Variants in DOK6 observed in about 807,000 individuals in gnomAD.
The protein encoded by DOK6 is downstream of tyrosine kinase 6.
DOK6 carries 22 observed loss-of-function variants against 44.0 expected under a neutral mutation model. The observed-to-expected ratio is 0.50, with a 90% CI of 0.36 to 0.71. DOK6 has a LOEUF of 0.71. Ranked by LOEUF, DOK6 falls within the 30% of genes least tolerant of loss-of-function variation. The pLI is 0.00. For missense variants in DOK6, 340 were observed against 416.4 expected (o/e 0.82, Z 1.60); for synonymous variants, 166 against 145.5 (o/e 1.14, Z -1.01).
At chr18:69,796,959 CTTA>C (rs1252538154) in intron 7 of DOK6, among the ~76,000 whole-genome samples, 1 of 152,100 alleles carries the variant, frequency 6.6e-6, no homozygotes, top group Non-Finnish European at 1.5e-5. Context: ...TTGAAAAGAG[CTTA>C]TATTTGATGA....
At chr18:69,633,914 G>T (rs1291731988) in intron 3 of DOK6, among the ~76,000 whole-genome samples, 1 of 151,986 alleles carries the variant, frequency 6.6e-6, no homozygotes, top group Non-Finnish European at 1.5e-5. Context: ...GCTCACCAAT[G>T]GTTTTAGGAT....
Position 69,477,313 on chromosome 18 carries a change from A to G in DOK6, c.66+76003A>G, listed in dbSNP as rs957431627. ...ACAGATGCTGAGACAAGTTTGTCCCATTGGAGGCTACAGTGGTAGTAGGGT... is the reference window on the plus strand; with the variant it reads ...ACAGATGCTGAGACAAGTTTGTCCCGTTGGAGGCTACAGTGGTAGTAGGGT... On this transcript the variant is annotated intron_variant, in intron 1 of 7. Coordinates refer to ENST00000382713, the MANE Select transcript of DOK6 (RefSeq NM_152721.6). Among the ~76,000 whole-genome samples the G allele has an allele frequency of 3.9e-5, 6 of 152,220 alleles. 1 individual carries two copies. The highest frequency in any genetic ancestry group is 8.8e-5 in the Non-Finnish European group (6 of 68,034).
chr18:69,595,900 C>T (rs10401068), intron 2 of DOK6, among the ~76,000 whole-genome samples: 68,704 of 151,842 alleles, frequency 0.45, 15,529 homozygotes, highest in East Asian at 0.57. Flanking sequence ...CTAAGACACA[C>T]GGCTTAGAGA....
intron 3 of DOK6, among the ~76,000 whole-genome samples, chr18:69,606,316 ATAAATAAATAAAATTCCCAAGGAATTC>A (rs1313944185): frequency 1.3e-5 from 2 of 148,630 alleles, no homozygotes; most frequent in Non-Finnish European, 3.0e-5. Flanking sequence ...AAATAAATAA[ATAAATAAATAAAATTCCCAAGGAATTC>A]TAAAATTATA....
At chr18:69,675,394 A>G (rs1325391907) in intron 3 of DOK6, among the ~76,000 whole-genome samples, 1 of 152,238 alleles carries the variant, frequency 6.6e-6, no homozygotes, top group African/African-American at 2.4e-5. Context: ...TTTACTCCCA[A>G]ATAGCACATT....
At chr18:69,471,207 G>T (rs980047267) in intron 1 of DOK6, among the ~76,000 whole-genome samples, 1 of 124,452 alleles carries the variant, frequency 8.0e-6, no homozygotes, top group Non-Finnish European at 1.6e-5. Context: ...CTGAGATCGC[G>T]CCATTGCACT....
intron 7 of DOK6, among the ~76,000 whole-genome samples, chr18:69,813,643 A>G (rs1479720294): frequency 6.6e-6 from 1 of 152,098 alleles, no homozygotes; most frequent in Non-Finnish European, 1.5e-5. Flanking sequence ...TTGGGGGTTA[A>G]GTGATGGGAT....
At chr18:69,471,580 TTTTTG>T (rs1980110650) in intron 1 of DOK6, 1 of 114,988 alleles carries the variant, frequency 8.7e-6, no homozygotes, top group African/African-American at 2.8e-5. Flanking sequence ...TATGAGGGTT[TTTTTG>T]TTTTTTTTTT....
intron 1 of DOK6, among the ~76,000 whole-genome samples, chr18:69,407,505 C>G (rs536016716): frequency 3.3e-5 from 5 of 152,224 alleles, no homozygotes; most frequent in Admixed American, 1.3e-4. Context: ...TAACTTTGTC[C>G]ACAGAGTCCA....
chr18:69,435,936 TC>T (rs1978963626), intron 1 of DOK6, among the ~76,000 whole-genome samples: 1 of 152,110 alleles, frequency 6.6e-6, no homozygotes, highest in South Asian at 2.1e-4. Flanking sequence ...ATCCCTTTAT[TC>T]CCTGCTATGA....
chr18:69,600,083 T>C (rs895291497), intron 3 of DOK6, among the ~76,000 whole-genome samples: 8 of 152,218 alleles, frequency 5.3e-5, no homozygotes, highest in Admixed American at 4.6e-4. Flanking sequence ...AATATATTAG[T>C]TGGCTTGTCA....
intron 1 of DOK6, among the ~76,000 whole-genome samples, chr18:69,428,697 A>C (rs1047426806): frequency 6.6e-6 from 1 of 152,202 alleles, no homozygotes; most frequent in Admixed American, 6.5e-5. Flanking sequence ...CTTGCCTAGG[A>C]TTGTCTAACA....
At chr18:69,580,719 TATATA>T (rs1882587681) in intron 2 of DOK6, among the ~76,000 whole-genome samples, 1 of 152,116 alleles carries the variant, frequency 6.6e-6, no homozygotes, top group African/African-American at 2.4e-5. Flanking sequence ...TATTTGAAAA[TATATA>T]ATATATTGTT....
intron 3 of DOK6, among the ~76,000 whole-genome samples, chr18:69,617,052 A>C (rs1262971713): frequency 6.6e-6 from 1 of 151,620 alleles, no homozygotes; most frequent in Non-Finnish European, 1.5e-5. Flanking sequence ...GACTGAGTTT[A>C]CTTTTTGCCA....
At chr18:69,759,970 CT>C (rs1165817709) in intron 7 of DOK6, among the ~76,000 whole-genome samples, 1 of 152,074 alleles carries the variant, frequency 6.6e-6, no homozygotes, top group East Asian at 1.9e-4. Flanking sequence ...GTACTGTGTG[CT>C]TCTTAGAGCA....
At chr18:69,529,591 CATA>C (rs1243998849) in intron 1 of DOK6, among the ~76,000 whole-genome samples, 1 of 152,214 alleles carries the variant, frequency 6.6e-6, no homozygotes, top group Non-Finnish European at 1.5e-5. Flanking sequence ...CACTCCATAA[CATA>C]ATAAATATAC....
At chr18:69,419,795 C>G (rs570421799) in intron 1 of DOK6, among the ~76,000 whole-genome samples, 1 of 152,124 alleles carries the variant, frequency 6.6e-6, no homozygotes, top group African/African-American at 2.4e-5. Context: ...CAAAAGAGGG[C>G]AGTCAATAAA....
intron 3 of DOK6, among the ~76,000 whole-genome samples, chr18:69,617,486 AAAG>A (rs764817525): frequency 2.0e-3 from 277 of 141,826 alleles, no homozygotes; most frequent in Admixed American, 4.0e-3. Context: ...CAATAGGAGA[AAAG>A]AAGAAAGAAA....
At chr18:69,675,242 C>A (rs761296558) in intron 3 of DOK6, among the ~76,000 whole-genome samples, 2 of 152,084 alleles carry the variant, frequency 1.3e-5, no homozygotes, top group South Asian at 4.1e-4. Context: ...TTGCTTTCTT[C>A]GTCTCATTAA....
Sources: allele counts gnomAD v4.1 joint callset (sites outside exome capture counted in the v4.1 genomes callset), GRCh38; gene constraint gnomAD v4.1.1; transcripts MANE v1.5; gene names NCBI Gene and HGNC (gene_info 2026-07-23, HGNC 2026-07-21).